The following SCPEP1 variants were observed in gnomAD, a reference collection of about 807,000 sequenced individuals.
The protein encoded by SCPEP1 is retinoid-inducible serine carboxypeptidase.
A neutral mutation model predicts 63.8 loss-of-function variants in SCPEP1; 51 were observed. The ratio of observed to expected loss-of-function variants is 0.80; its 90% CI spans 0.64 to 1.01. The LOEUF (loss-of-function observed/expected upper bound fraction) is 1.01, where lower values mean the gene tolerates loss of function less well. SCPEP1 is among the 50% of genes least tolerant of loss of function. The probability of loss-of-function intolerance (pLI) is 0.00; values close to 1 mark genes in which losing one functional copy is unlikely to be tolerated. For synonymous variants in SCPEP1, 204 were observed against 207.8 expected (o/e 0.98, Z 0.16); for missense variants, 499 against 554.9 (o/e 0.90, Z 1.01).
At chr17:56,995,127 T>A in intron 7 of SCPEP1, 109 bp downstream of exon 7, 1 of 940,136 alleles carries the variant, frequency 1.1e-6, no homozygotes, top group Non-Finnish European at 1.7e-6. Flanking sequence ...TGGTTGACAC[T>A]GCTTTTTAGG....
chr17:56,989,023 CAA>C (rs199683698), intron 5 of SCPEP1, among the ~76,000 whole-genome samples: 16 of 134,720 alleles, frequency 1.2e-4, no homozygotes, highest in East Asian at 2.1e-4. Context: ...CCTGTTTCTA[CAA>C]AAAAAAAAAA....
chr17:56,982,776 A>G (rs1246209941), intron 2 of SCPEP1: 1 of 152,118 alleles, frequency 6.6e-6, no homozygotes, highest in African/African-American at 2.4e-5. Flanking sequence ...AAAGCTTACA[A>G]AGGGGAGACA....
rs113648747 is a variant in SCPEP1 at position 56,986,536 on chromosome 17, GT to G, written c.315+1080del. On this transcript the variant is annotated intron_variant, in intron 3 of 12. Coordinates refer to ENST00000262288, the MANE Select transcript of SCPEP1 (RefSeq NM_021626.3). ...CCCGGCCACTTTCTGGTCTTTCTTT[GT>G]TTTTTTTTTTCTGTTTTTTTGTTTT... is the stretch of plus-strand genomic sequence containing the variant. Among the ~76,000 whole-genome samples, 437 of 136,612 alleles carry G rather than the reference GT, an allele frequency of 3.2e-3. 4 individuals carry two copies. Among genetic ancestry groups the G allele is most frequent in the African/African-American group, 0.011 (397 of 37,346 alleles). The allele number at this position is 136,612 out of a possible 152,430, so 89.6% of individuals were successfully genotyped here. A position where few individuals can be genotyped will look rare whatever the true frequency, so the allele number is the denominator to read the frequency against.
rs1184420867 is a variant in SCPEP1 at position 56,987,785 on chromosome 17, G to T, written c.406G>T (p.Ala136Ser). 6.2e-7 allele frequency: 1 copy of T among 1,614,016 alleles called. No homozygotes were observed. Among genetic ancestry groups the T allele is most frequent in the Non-Finnish European group, 8.5e-7 (1 of 1,180,040 alleles). ...TAGTGGTGCCTATGCCAAGGACCTG[G>T]CTATGGTGGCTTCAGACATGATGGT... ...NGSGAYAKDLAMVASDMMVLL... is the reference protein window; with the variant it reads ...NGSGAYAKDLSMVASDMMVLL... The change falls in exon 4 of 13, where the codon GCT becomes TCT. Residue 136 changes from alanine to serine, a missense_variant. Coordinates refer to ENST00000262288, the MANE Select transcript of SCPEP1 (RefSeq NM_021626.3).
chr17:56,978,453 T>C (rs963882115), intron 1 of SCPEP1, among the ~76,000 whole-genome samples: 12 of 152,050 alleles, frequency 7.9e-5, no homozygotes, highest in Non-Finnish European at 1.5e-4. Context: ...GTCTGAGTGC[T>C]TCCGTTCTCT....
intron 5 of SCPEP1, among the ~76,000 whole-genome samples, chr17:56,989,320 C>G (rs547598543): frequency 6.6e-6 from 1 of 152,302 alleles, no homozygotes; most frequent in South Asian, 2.1e-4. Flanking sequence ...AAGCCAAGTC[C>G]ATGAGATTTG....
intron 10 of SCPEP1, among the ~76,000 whole-genome samples, chr17:56,999,780 C>T (rs73313859): frequency 0.094 from 14,278 of 151,992 alleles, 967 homozygotes; most frequent in African/African-American, 0.18. Context: ...GTCGGGAGTT[C>T]GAGACCAGCC....
intron 6 of SCPEP1, among the ~76,000 whole-genome samples, chr17:56,993,849 A>C (rs1419945661): frequency 2.0e-5 from 3 of 152,230 alleles, no homozygotes. Flanking sequence ...ATTATTTACT[A>C]TCTGTCCCTT....
At chr17:56,988,426 C>A in intron 5 of SCPEP1, 136 bp downstream of exon 5, 2 of 563,298 alleles carry the variant, frequency 3.6e-6, no homozygotes, top group South Asian at 3.6e-5. Context: ...GTAGTAATAA[C>A]CATAAAAAGT....
At chr17:56,982,593 A>G (rs1228647557) in intron 2 of SCPEP1, among the ~76,000 whole-genome samples, 2 of 152,168 alleles carry the variant, frequency 1.3e-5, no homozygotes, top group Non-Finnish European at 2.9e-5. Flanking sequence ...GGCCGTGGAC[A>G]AGCTCAGGCC....
At chr17:56,996,817 C>A in intron 8 of SCPEP1, 145 bp from the exon 9 acceptor site, 1 of 522,122 alleles carries the variant, frequency 1.9e-6, no homozygotes, top group Non-Finnish European at 3.4e-6. Flanking sequence ...CCAGGCCCAG[C>A]CAAAGCTCTA....
chr17:56,995,009 G>A lies in SCPEP1; in HGVS notation c.648G>A (p.Leu216=), dbSNP rs2144496525. 1 of 1,612,782 alleles carries A rather than the reference G, an allele frequency of 6.2e-7. No individual in the cohort carries two copies. Among genetic ancestry groups the A allele is most frequent in the Non-Finnish European group, 8.5e-7 (1 of 1,178,784 alleles). The part of the protein sequence containing the change: ...VDSVLSWGPY[L]YSMSLLEDKG... ...CGGTGCTCTCCTGGGGACCTTACCT[G>A]TACAGCATGGTAAGTAGATACACAT... Residue 216 remains leucine (L), a synonymous_variant, in exon 7 of 13, where the codon CTG becomes CTA. Coordinates refer to ENST00000262288, the MANE Select transcript of SCPEP1 (RefSeq NM_021626.3).
intron 5 of SCPEP1, among the ~76,000 whole-genome samples, chr17:56,990,372 T>G (rs945421623): frequency 6.6e-6 from 1 of 152,206 alleles, no homozygotes; most frequent in Non-Finnish European, 1.5e-5. Flanking sequence ...TTTAAAAAAC[T>G]TATAGAAACA....
rs1911385217 is a variant in SCPEP1 at position 56,991,145 on chromosome 17, T to G, written c.593T>G (p.Leu198Trp). The G allele has an allele frequency of 6.2e-7, 1 of 1,614,086 alleles. No homozygotes were observed. The highest frequency in any genetic ancestry group is 2.2e-5 in the East Asian group (1 of 44,880). Residue 198 changes from leucine (L) to tryptophan (W), a missense_variant, in exon 6 of 13, where the codon TTG (leucine) becomes TGG (tryptophan). Leu to Trp is a moderately conservative substitution (Grantham distance 61). Coordinates refer to ENST00000262288, the MANE Select transcript of SCPEP1 (RefSeq NM_021626.3). The part of the protein sequence containing the change: ...TIKCNFAGVA[L>W]GDSWISPVDS... ...AAGTGCAACTTTGCGGGGGTTGCCT[T>G]GGGTGATTCCTGGATCTCCCCTGTT...
chr17:56,980,474 T>A (rs1911035327), intron 1 of SCPEP1, among the ~76,000 whole-genome samples: 1 of 152,162 alleles, frequency 6.6e-6, no homozygotes, highest in Admixed American at 6.5e-5. Flanking sequence ...AGATTTTTAC[T>A]TTTTTACTCA....
intron 8 of SCPEP1, among the ~76,000 whole-genome samples, chr17:56,996,207 C>G (rs1382943853): frequency 1.3e-5 from 2 of 151,740 alleles, no homozygotes; most frequent in East Asian, 1.9e-4. Context: ...CTTTTTTCCT[C>G]TATTTATTTA....
In SCPEP1 at chr17:56,988,308, T is replaced by C. The variant is rs752797856; in HGVS notation, c.546+18T>C. 1.3e-5 allele frequency: 20 copies of C among 1,588,562 alleles called. No homozygotes were observed. The South Asian group carries it at 1.9e-4, about 15-fold the overall frequency. Reference sequence around the variant, plus strand: ...TTTATAAGGTAATGGAAAATAACTTTGTTGTTATGGTTTTGGACAGAAAAT... The same window carrying C: ...TTTATAAGGTAATGGAAAATAACTTCGTTGTTATGGTTTTGGACAGAAAAT... On this transcript the variant is annotated intron_variant, in intron 5 of 12. Transcript: ENST00000262288.
rs766014068 is a variant in SCPEP1 at position 57,006,146 on chromosome 17, A to G, written c.1297-27A>G. 7.5e-6 allele frequency: 12 copies of G among 1,591,112 alleles called. No homozygotes were observed. The South Asian group carries it at 1.2e-4, about 16-fold the overall frequency. On this transcript the variant is annotated intron_variant, in intron 12 of 12. Transcript: ENST00000262288. ...CAGCCCCAGGAATAGCACCAGGAGCACTAACTCAGATGTTGTTTTTTTCTA... is the reference window on the plus strand; with the variant it reads ...CAGCCCCAGGAATAGCACCAGGAGCGCTAACTCAGATGTTGTTTTTTTCTA...
intron 1 of SCPEP1, among the ~76,000 whole-genome samples, chr17:56,978,467 A>G (rs996508890): frequency 2.7e-5 from 4 of 148,132 alleles, no homozygotes; most frequent in African/African-American, 1.0e-4. Context: ...GTTCTCTCCT[A>G]CGCCTAGATA....
Sources: gnomAD v4.1 joint callset for allele counts (sites outside exome capture counted in the v4.1 genomes callset) on GRCh38, gnomAD v4.1.1 for gene constraint, MANE v1.5 for transcripts, NCBI Gene and HGNC (gene_info 2026-07-23, HGNC 2026-07-21) for gene names.